Variants in RARB observed in about 807,000 individuals in gnomAD.
RARB encodes retinoic acid receptor beta.
In RARB, 17 loss-of-function variants were observed where a neutral mutation model predicts 51.9. That is an observed-to-expected ratio of 0.33 (90% confidence interval 0.22 to 0.49). The LOEUF (loss-of-function observed/expected upper bound fraction) is 0.49, where lower values mean the gene tolerates loss of function less well. RARB is among the 20% of genes least tolerant of loss of function. The pLI, the probability that RARB is intolerant of heterozygous loss-of-function variation, is 0.99. For missense variants in RARB, 369 were observed against 550.8 expected (o/e 0.67, Z 3.30); for synonymous variants, 215 against 195.4 (o/e 1.10, Z -0.84).
At position 25,296,162 on chromosome 3, in the gene RARB, GA is replaced by G. The variant is rs1703910157; in HGVS notation, c.178+121590del. 2.6e-5 allele frequency among the ~76,000 whole-genome samples: 4 copies of G among 152,230 alleles called. No homozygotes were observed. In the South Asian group the frequency reaches 8.3e-4, roughly 32 times the overall value. ...AAACTTGAGATGAGCCTTGAAAGAAGAAACTTAGAAGAGGGTAAGAAGACAC... is the reference window on the plus strand; with the variant it reads ...AAACTTGAGATGAGCCTTGAAAGAAGAACTTAGAAGAGGGTAAGAAGACAC... On this transcript the variant is annotated intron_variant, in intron 5 of 11. Transcript: ENST00000383772.
chr3:25,084,721 T>G (rs1320175099), intron 3 of RARB, among the ~76,000 whole-genome samples: 1 of 151,912 alleles, frequency 6.6e-6, no homozygotes, highest in Non-Finnish European at 1.5e-5. Flanking sequence ...TTTTCCTTTT[T>G]TATATTCCAT....
intron 3 of RARB, among the ~76,000 whole-genome samples, chr3:25,061,228 T>G (rs1250815759): frequency 1.3e-5 from 2 of 151,914 alleles, no homozygotes; most frequent in Non-Finnish European, 2.9e-5. Flanking sequence ...TTTAATTTAT[T>G]CATCATTTCC....
chr3:25,302,707 G>T (rs979846324), intron 5 of RARB, among the ~76,000 whole-genome samples: 3 of 152,160 alleles, frequency 2.0e-5, no homozygotes, highest in African/African-American at 7.2e-5. Context: ...TTTGTGAATA[G>T]ACTTAAAACC....
intron 5 of RARB, among the ~76,000 whole-genome samples, chr3:25,414,914 TCACTG>T (rs1461316166): frequency 1.3e-5 from 2 of 152,204 alleles, no homozygotes; most frequent in Admixed American, 1.3e-4. Flanking sequence ...TTATCTTGGC[TCACTG>T]CAACCTCCAC....
chr3:25,083,957 A>G (rs768151117), intron 3 of RARB, among the ~76,000 whole-genome samples: 1 of 152,136 alleles, frequency 6.6e-6, no homozygotes, highest in African/African-American at 2.4e-5. Flanking sequence ...GACAAACTGA[A>G]ATGTTGTCCA....
chr3:25,091,868 T>G (rs1297981698), intron 3 of RARB, among the ~76,000 whole-genome samples: 4 of 152,212 alleles, frequency 2.6e-5, no homozygotes, highest in Non-Finnish European at 5.9e-5. Flanking sequence ...TTCTGCAAGT[T>G]ATCTCAAAAT....
intron 4 of RARB, among the ~76,000 whole-genome samples, chr3:25,159,909 A>C (rs1300073222): frequency 6.6e-6 from 1 of 152,188 alleles, no homozygotes; most frequent in Non-Finnish European, 1.5e-5. Flanking sequence ...TAATTCAGAC[A>C]CATCTTTATT....
At chr3:25,179,921 T>C (rs901727381) in intron 5 of RARB, among the ~76,000 whole-genome samples, 4 of 152,238 alleles carry the variant, frequency 2.6e-5, no homozygotes, top group African/African-American at 9.6e-5. Flanking sequence ...CAATTACTTT[T>C]GCACCAACCT....
At chr3:25,054,860 T>C (rs1698406049) in intron 2 of RARB, among the ~76,000 whole-genome samples, 2 of 152,172 alleles carry the variant, frequency 1.3e-5, no homozygotes, top group South Asian at 2.1e-4. Context: ...TTGAGCTAGT[T>C]CAAAGCAATC....
intron 2 of RARB, among the ~76,000 whole-genome samples, chr3:24,982,550 G>A (rs934507352): frequency 7.2e-5 from 11 of 152,150 alleles, no homozygotes; most frequent in African/African-American, 2.7e-4. Context: ...GGGAAGCTGG[G>A]TCCCTCCATC....
intron 2 of RARB, among the ~76,000 whole-genome samples, chr3:24,966,315 G>A (rs1228097632): frequency 6.6e-6 from 1 of 152,224 alleles, no homozygotes; most frequent in East Asian, 1.9e-4. Context: ...AGTTGTAGGA[G>A]ATTAACACCT....
At chr3:24,838,158 C>T (rs577184992) in intron 1 of RARB, among the ~76,000 whole-genome samples, 1 of 152,162 alleles carries the variant, frequency 6.6e-6, no homozygotes, top group Non-Finnish European at 1.5e-5. Flanking sequence ...TTGGCTCTAT[C>T]TTTCTTCAAA....
intron 5 of RARB, among the ~76,000 whole-genome samples, chr3:25,244,965 CT>C (rs1559520984): frequency 1.3e-5 from 2 of 152,246 alleles, no homozygotes; most frequent in Non-Finnish European, 2.9e-5. Context: ...TCTCTAAGAA[CT>C]TGCTTTATGA....
At chr3:24,926,760 T>C (rs1244548579) in intron 2 of RARB, among the ~76,000 whole-genome samples, 2 of 152,060 alleles carry the variant, frequency 1.3e-5, no homozygotes, top group East Asian at 3.9e-4. Context: ...TCAGAGCTTC[T>C]GGGTACTATA....
chr3:25,114,983 G>A (rs940596279), intron 3 of RARB, among the ~76,000 whole-genome samples: 5 of 152,252 alleles, frequency 3.3e-5, no homozygotes, highest in Non-Finnish European at 4.4e-5. Context: ...ATTTAGCTCA[G>A]GTTTCCCTTT....
At chr3:24,895,769 G>A (rs1031024952) in intron 2 of RARB, among the ~76,000 whole-genome samples, 1 of 152,214 alleles carries the variant, frequency 6.6e-6, no homozygotes, top group East Asian at 1.9e-4. Context: ...TGCATTGCTG[G>A]TAGGAATACA....
At chr3:25,227,890 G>A (rs1215094787) in intron 5 of RARB, among the ~76,000 whole-genome samples, 1 of 151,870 alleles carries the variant, frequency 6.6e-6, no homozygotes, top group Non-Finnish European at 1.5e-5. Context: ...TGACTTTTTT[G>A]TCTTTAAAAG....
At chr3:25,378,604 C>T (rs987466943) in intron 5 of RARB, among the ~76,000 whole-genome samples, 1 of 152,116 alleles carries the variant, frequency 6.6e-6, no homozygotes, top group Admixed American at 6.5e-5. Flanking sequence ...ATCATAAAAC[C>T]CAACACGGTT....
intron 2 of RARB, among the ~76,000 whole-genome samples, chr3:24,877,252 G>A (rs1213133655): frequency 6.7e-6 from 1 of 149,912 alleles, no homozygotes; most frequent in African/African-American, 2.4e-5. Context: ...TTCTGAAAAA[G>A]AGGATAAATA....
Sources: allele counts gnomAD v4.1 joint callset (sites outside exome capture counted in the v4.1 genomes callset), GRCh38; gene constraint gnomAD v4.1.1; transcripts MANE v1.5; gene names NCBI Gene and HGNC (gene_info 2026-07-23, HGNC 2026-07-21).